METTL15: variants seen among roughly 807,000 people sequenced by gnomAD.
METTL15 encodes the protein methyltransferase 15, mitochondrial 12S rRNA N4-cytidine.
A neutral mutation model predicts 38.3 loss-of-function variants in METTL15; 34 were observed. The observed-to-expected ratio is 0.89, with a 90% CI of 0.68 to 1.18. The LOEUF is 1.18. Ranked by LOEUF, METTL15 falls within the 50% of genes most tolerant of loss-of-function variation. The pLI is 0.00. For missense variants in METTL15, 438 were observed against 498.4 expected, an observed-to-expected ratio of 0.88 and a Z score of 1.15; for synonymous variants, 162 against 170.9, an observed-to-expected ratio of 0.95 and a Z score of 0.41.
intron 6 of METTL15, among the ~76,000 whole-genome samples, chr11:28,426,226 GCTGA>G (rs1850862700): frequency 6.6e-6 from 1 of 152,110 alleles, no homozygotes; most frequent in Non-Finnish European, 1.5e-5. Flanking sequence ...GTGTTAATTT[GCTGA>G]GGATAATGGC....
At chr11:28,316,504 C>G (rs1354907508) in intron 6 of METTL15, among the ~76,000 whole-genome samples, 2 of 152,158 alleles carry the variant, frequency 1.3e-5, no homozygotes, top group Non-Finnish European at 2.9e-5. Context: ...TCAGATGAGA[C>G]ATTGGACTGC....
chr11:28,110,632 T>G (rs1476087027), intron 2 of METTL15, among the ~76,000 whole-genome samples: 1 of 152,198 alleles, frequency 6.6e-6, no homozygotes, highest in Non-Finnish European at 1.5e-5. Context: ...CCTTAGAACC[T>G]CTTTCACTTT....
chr11:28,447,328 A>G (rs1564933842), intron 6 of METTL15, among the ~76,000 whole-genome samples: 1 of 152,128 alleles, frequency 6.6e-6, no homozygotes, highest in Non-Finnish European at 1.5e-5. Flanking sequence ...TATTTCCAGG[A>G]AGCAATAGAT....
At chr11:28,455,341 C>CAA (rs1851159003) in intron 6 of METTL15, among the ~76,000 whole-genome samples, 1 of 149,948 alleles carries the variant, frequency 6.7e-6, no homozygotes, top group Non-Finnish European at 1.5e-5. Context: ...ATGTTTTATG[C>CAA]CCTTCATGTT....
intron 5 of METTL15, among the ~76,000 whole-genome samples, chr11:28,390,960 G>A (rs936597586): frequency 7.2e-5 from 11 of 152,104 alleles, no homozygotes; most frequent in Admixed American, 6.6e-5. Flanking sequence ...TTGTAAGTTG[G>A]ATTCCTAAGT....
At chr11:28,368,713 T>C (rs1225749944) in intron 5 of METTL15, among the ~76,000 whole-genome samples, 2 of 152,156 alleles carry the variant, frequency 1.3e-5, no homozygotes, top group African/African-American at 4.8e-5. Flanking sequence ...GTATGTTTTA[T>C]TGTGGCACTA....
chr11:28,322,658 A>G (rs1415094383), intron 6 of METTL15, among the ~76,000 whole-genome samples: 1 of 152,184 alleles, frequency 6.6e-6, no homozygotes. Context: ...ACTCCAAGTG[A>G]CATACAAGAT....
intron 3 of METTL15, among the ~76,000 whole-genome samples, chr11:28,184,337 TTTAATTGTGA>T (rs1197415933): frequency 1.3e-5 from 2 of 152,188 alleles, no homozygotes; most frequent in Non-Finnish European, 2.9e-5. Context: ...CTCTAGTTCT[TTTAATTGTGA>T]TGTTAGAGTG....
intron 5 of METTL15, among the ~76,000 whole-genome samples, chr11:28,413,115 C>G (rs1423508785): frequency 6.6e-6 from 1 of 151,924 alleles, no homozygotes; most frequent in Admixed American, 6.6e-5. Context: ...AAAAATACTA[C>G]TAAATAAGTG....
intron 4 of METTL15, among the ~76,000 whole-genome samples, chr11:28,234,799 C>G (rs1190904313): frequency 7.1e-6 from 1 of 140,884 alleles, no homozygotes; most frequent in South Asian, 2.4e-4. Context: ...TGCAGAAGCT[C>G]TTTAGTTTAA....
In METTL15 at chr11:28,339,534, A is replaced by C. The variant is rs76966250; in HGVS notation, c.*190-12556A>C. On this transcript the variant is annotated intron_variant and NMD_transcript_variant, in intron 3 of 7. Transcript: ENST00000532947. ...GCATAATGAGACATAAAGAGAATGC[A>C]AAAAAAAAAAAACTGTACAAAAGAC... Among the ~76,000 whole-genome samples, 8 of 94,566 alleles carry C rather than the reference A, an allele frequency of 8.5e-5. No homozygotes were observed. The South Asian group carries it at 3.4e-3, about 41-fold the overall frequency. The allele number at this position is 94,566 out of a possible 152,430, so 62.0% of individuals were successfully genotyped here.
chr11:28,523,506 T>C (rs1284196589), intron 6 of METTL15, among the ~76,000 whole-genome samples: 1 of 152,184 alleles, frequency 6.6e-6, no homozygotes, highest in Non-Finnish European at 1.5e-5. Context: ...AACACCAGCA[T>C]TGGACTATTA....
At chr11:28,315,199 C>T (rs1296584525) in intron 6 of METTL15, among the ~76,000 whole-genome samples, 1 of 152,126 alleles carries the variant, frequency 6.6e-6, no homozygotes, top group African/African-American at 2.4e-5. Context: ...TTGGAACTTC[C>T]TAGAGCCTTG....
chr11:28,235,171 G>A (rs1299507207), intron 4 of METTL15, among the ~76,000 whole-genome samples: 2 of 152,056 alleles, frequency 1.3e-5, no homozygotes, highest in Non-Finnish European at 2.9e-5. Context: ...CTATATCTCT[G>A]TTTTGGTACC....
At chr11:28,394,226 C>A (rs1319066830) in intron 5 of METTL15, among the ~76,000 whole-genome samples, 1 of 151,974 alleles carries the variant, frequency 6.6e-6, no homozygotes, top group Non-Finnish European at 1.5e-5. Flanking sequence ...TTATCACAGG[C>A]TCTATGACAT....
At chr11:28,134,354 G>A (rs890471112) in intron 3 of METTL15, among the ~76,000 whole-genome samples, 4 of 152,228 alleles carry the variant, frequency 2.6e-5, no homozygotes, top group South Asian at 2.1e-4. Context: ...TGTATAAAGC[G>A]CAAATTCCTG....
chr11:28,445,167 G>A (rs1487854124), intron 6 of METTL15, among the ~76,000 whole-genome samples: 2 of 152,112 alleles, frequency 1.3e-5, no homozygotes, highest in African/African-American at 2.4e-5. Context: ...GAATCCTGGA[G>A]CAACACACCT....
intron 6 of METTL15, among the ~76,000 whole-genome samples, chr11:28,469,617 G>T (rs1448600210): frequency 6.6e-6 from 1 of 151,930 alleles, no homozygotes; most frequent in Non-Finnish European, 1.5e-5. Flanking sequence ...TGTAAAATGG[G>T]GTAATAATGA....
chr11:28,427,103 A>G (rs1445687409), intron 6 of METTL15, among the ~76,000 whole-genome samples: 1 of 151,956 alleles, frequency 6.6e-6, no homozygotes, highest in African/African-American at 2.4e-5. Context: ...TCTTGAATTG[A>G]TTTTTGTATG....
Sources: gnomAD v4.1 joint callset for allele counts (sites outside exome capture counted in the v4.1 genomes callset) on GRCh38, gnomAD v4.1.1 for gene constraint, MANE v1.5 for transcripts, NCBI Gene and HGNC (gene_info 2026-07-23, HGNC 2026-07-21) for gene names.